Variants in TIAM1 observed in about 807,000 individuals in gnomAD.
TIAM1 encodes the protein rho guanine nucleotide exchange factor TIAM1.
In TIAM1, 65 loss-of-function variants were observed where a neutral mutation model predicts 163.5. The observed-to-expected ratio is 0.40, with a 90% CI of 0.33 to 0.49. The LOEUF is 0.49. Among genes scored for constraint, TIAM1 ranks in the 20% least tolerant of loss-of-function variants. The pLI is 0.77. For synonymous variants in TIAM1, 833 were observed against 810.1 expected, an observed-to-expected ratio of 1.03 and a Z score of -0.48; for missense variants, 1,789 against 2,044.7, an observed-to-expected ratio of 0.87 and a Z score of 2.41.
At chr21:31,345,429 A>T, upstream of TIAM1, among the ~76,000 whole-genome samples, 1 of 150,854 alleles carries the variant, frequency 6.6e-6, no homozygotes, top group East Asian at 1.9e-4. Flanking sequence ...ACTCAAATAT[A>T]TATGTATATA....
At chr21:31,392,873 G>A (rs967293944) in intron 2 of TIAM1, among the ~76,000 whole-genome samples, 1 of 151,904 alleles carries the variant, frequency 6.6e-6, no homozygotes, top group South Asian at 2.1e-4. Context: ...TCTGCCATGA[G>A]TAAAAGCTTC....
intron 2 of TIAM1, among the ~76,000 whole-genome samples, chr21:31,403,442 C>T (rs566371628): frequency 2.0e-5 from 3 of 152,250 alleles, no homozygotes; most frequent in South Asian, 4.2e-4. Flanking sequence ...CCACTGCTCC[C>T]GGCCGATGAC....
intron 2 of TIAM1, among the ~76,000 whole-genome samples, chr21:31,410,204 G>GT (rs2077324217): frequency 1.4e-5 from 2 of 140,346 alleles, no homozygotes; most frequent in African/African-American, 6.1e-5. Flanking sequence ...CAGTGATTGT[G>GT]AGTGTGTGTG....
intron 15 of TIAM1, among the ~76,000 whole-genome samples, chr21:31,179,248 G>A (rs1226410374): frequency 1.3e-5 from 2 of 151,608 alleles, no homozygotes; most frequent in South Asian, 2.1e-4. Flanking sequence ...TTAGCCAGGC[G>A]AGGTGGCAGG....
At chr21:31,506,099 T>C (rs2047017577) in intron 1 of TIAM1, among the ~76,000 whole-genome samples, 1 of 151,214 alleles carries the variant, frequency 6.6e-6, no homozygotes, top group African/African-American at 2.4e-5. Context: ...GACAAAGCTC[T>C]GATTACAACC....
At chr21:31,186,958 G>C (rs2085333982) in intron 14 of TIAM1, 43 bp downstream of exon 14, 1 of 1,539,984 alleles carries the variant, frequency 6.5e-7, no homozygotes, top group African/African-American at 1.4e-5. Context: ...AAGCCCCAAA[G>C]GGCATTTAAG....
chr21:31,405,934 C>T (rs2077240118), intron 2 of TIAM1, among the ~76,000 whole-genome samples: 1 of 152,160 alleles, frequency 6.6e-6, no homozygotes, highest in Non-Finnish European at 1.5e-5. Context: ...TCACCTCCAC[C>T]TTCCTAAGCC....
chr21:31,297,169 T>A (rs548407875), intron 2 of TIAM1, among the ~76,000 whole-genome samples: 2 of 152,322 alleles, frequency 1.3e-5, no homozygotes, highest in South Asian at 4.1e-4. Context: ...TCACATTATA[T>A]AAAATTAGAG....
intron 12 of TIAM1, among the ~76,000 whole-genome samples, chr21:31,197,709 A>G (rs924915915): frequency 1.3e-5 from 2 of 152,160 alleles, no homozygotes; most frequent in African/African-American, 4.8e-5. Context: ...TCATCAAGAC[A>G]ATAACTTACA....
Position 31,154,317 on chromosome 21 carries a change from T to C in TIAM1, c.3101A>G (p.Gln1034Arg). Residue 1034 changes from glutamine (Q) to arginine (R), a missense_variant, in exon 17 of 28, where the codon CAA (glutamine) becomes CGA (arginine). Gln to Arg is a conservative substitution (Grantham distance 43). This residue lies in a region of TIAM1 where 303 missense variants were observed against 321.3 expected (regional missense o/e 0.94). Coordinates refer to ENST00000541036, the MANE Select transcript of TIAM1 (RefSeq NM_001353694.2). ...GCGCAGCTTATCTGCATCCGAGAGT[T>C]GTCTCATGGTCGCCAGCTGAGGCCC... is the stretch of plus-strand genomic sequence containing the variant. ...STGPQLATMR[Q>R]LSDADKLRKV... 1 of 1,614,148 alleles carries C rather than the reference T, an allele frequency of 6.2e-7. No individual in the cohort carries two copies. Among genetic ancestry groups the C allele is most frequent in the Non-Finnish European group, 8.5e-7 (1 of 1,180,024 alleles).
At chr21:31,272,824 A>C (rs570069816) in intron 3 of TIAM1, among the ~76,000 whole-genome samples, 1 of 152,342 alleles carries the variant, frequency 6.6e-6, no homozygotes, top group East Asian at 1.9e-4. Flanking sequence ...ACAACAACAA[A>C]AAAGCAAGCA....
chr21:31,199,998 C>T (rs1051813362), intron 12 of TIAM1, among the ~76,000 whole-genome samples: 15 of 152,026 alleles, frequency 9.9e-5, no homozygotes, highest in African/African-American at 3.6e-4. Context: ...TCTCTACTTG[C>T]CCCAACTTCT....
chr21:31,278,272 G>A (rs775642377), intron 2 of TIAM1, among the ~76,000 whole-genome samples: 3 of 152,198 alleles, frequency 2.0e-5, no homozygotes, highest in Admixed American at 6.5e-5. Flanking sequence ...TGAAGAATAT[G>A]CACAGGAAAA....
At chr21:31,469,896 CAG>C (rs1483264004) in intron 1 of TIAM1, among the ~76,000 whole-genome samples, 1 of 151,812 alleles carries the variant, frequency 6.6e-6, no homozygotes, top group East Asian at 1.9e-4. Context: ...AGGGAAGAAA[CAG>C]AGAACCTGAT....
At chr21:31,134,179 G>A (rs938885077) in intron 23 of TIAM1, among the ~76,000 whole-genome samples, 1 of 152,096 alleles carries the variant, frequency 6.6e-6, no homozygotes, top group African/African-American at 2.4e-5. Flanking sequence ...TAACTACAGT[G>A]AATCTGTAAA....
chr21:31,518,345 T>C (rs2047451446), intron 1 of TIAM1, among the ~76,000 whole-genome samples: 2 of 152,096 alleles, frequency 1.3e-5, no homozygotes, highest in Admixed American at 6.6e-5. Flanking sequence ...TGCAGTGCAA[T>C]GGCATGATCT....
At chr21:31,271,241 G>GAA (rs3216553) in intron 3 of TIAM1, among the ~76,000 whole-genome samples, 1 of 139,322 alleles carries the variant, frequency 7.2e-6, no homozygotes, top group African/African-American at 2.6e-5. Context: ...AAACCCAAAA[G>GAA]AAAAAAAAAA....
chr21:31,184,910 C>T (rs942755474), intron 14 of TIAM1, among the ~76,000 whole-genome samples: 4 of 152,162 alleles, frequency 2.6e-5, no homozygotes, highest in African/African-American at 7.2e-5. Context: ...GCCAAGTCCG[C>T]GGTTGTGCTT....
upstream of TIAM1, among the ~76,000 whole-genome samples, chr21:31,344,584 G>A (rs2076110473): frequency 6.6e-6 from 1 of 152,196 alleles, no homozygotes; most frequent in Non-Finnish European, 1.5e-5. Context: ...GGCCAGCAAT[G>A]TTACATAAGC....
Sources: allele counts gnomAD v4.1 joint callset (sites outside exome capture counted in the v4.1 genomes callset), GRCh38; gene constraint gnomAD v4.1.1; regional missense constraint gnomAD v4.1.1; transcripts MANE v1.5; gene names NCBI Gene and HGNC (gene_info 2026-07-23, HGNC 2026-07-21).